Variants in ABCG1 observed in about 807,000 individuals in gnomAD.
ABCG1 encodes the protein ATP-binding cassette sub-family G member 1.
In ABCG1, 29 loss-of-function variants were observed where a neutral mutation model predicts 69.2. That is an observed-to-expected ratio of 0.42 (90% confidence interval 0.31 to 0.57). ABCG1 has a LOEUF of 0.57. ABCG1 is among the 20% of genes least tolerant of loss of function. The pLI, the probability that ABCG1 is intolerant of heterozygous loss-of-function variation, is 0.15. For missense variants in ABCG1, 718 were observed against 898.1 expected, an observed-to-expected ratio of 0.80 and a Z score of 2.56; for synonymous variants, 370 against 374.8, an observed-to-expected ratio of 0.99 and a Z score of 0.15.
intron 2 of ABCG1, among the ~76,000 whole-genome samples, chr21:42,207,680 T>C (rs1277327910): frequency 6.6e-6 from 1 of 152,254 alleles, no homozygotes; most frequent in Non-Finnish European, 1.5e-5. Context: ...AAGTCCAGGT[T>C]CCCTGCTCAG....
Position 42,257,563 on chromosome 21 carries a change from G to A in ABCG1, c.287-13507G>A, listed in dbSNP as rs535340205. Among the ~76,000 whole-genome samples the A allele has an allele frequency of 8.1e-4, 124 of 152,252 alleles. 2 individuals are homozygous for A. In the South Asian group the frequency reaches 0.024, roughly 29 times the overall value. On this transcript the variant is annotated intron_variant, in intron 2 of 14. Coordinates refer to ENST00000398449, the MANE Select transcript of ABCG1 (RefSeq NM_016818.3). ...CTGAGACAGCTGTGTAGGGCGTGGC[G>A]GTGACCCTGGGGAAGGACCGTACTG...
At chr21:42,262,026 C>A (rs117434656) in intron 2 of ABCG1, among the ~76,000 whole-genome samples, 2,288 of 152,298 alleles carry the variant, frequency 0.015, 31 homozygotes, top group Middle Eastern at 0.034. Context: ...AACTGCAACT[C>A]GTTCAATGAA....
At chr21:42,248,076 T>C (rs1250430305) in intron 2 of ABCG1, among the ~76,000 whole-genome samples, 2 of 152,174 alleles carry the variant, frequency 1.3e-5, no homozygotes, top group African/African-American at 4.8e-5. Flanking sequence ...AAGATGGTCA[T>C]GAGAGAGCAA....
At chr21:42,268,388 T>TGCGC (rs377669349) in intron 2 of ABCG1, among the ~76,000 whole-genome samples, 41 of 110,180 alleles carry the variant, frequency 3.7e-4, no homozygotes, top group African/African-American at 9.0e-4. Context: ...TGTGTGTGTG[T>TGCGC]GCGCGCGCGC....
At chr21:42,279,229 G>A (rs1270365499) in intron 5 of ABCG1, among the ~76,000 whole-genome samples, 5 of 152,082 alleles carry the variant, frequency 3.3e-5, no homozygotes, top group Non-Finnish European at 5.9e-5. Context: ...ACTGATGCTC[G>A]GCGTGGAGGA....
At chr21:42,280,413 A>G (rs986825061) in intron 5 of ABCG1, among the ~76,000 whole-genome samples, 4 of 152,188 alleles carry the variant, frequency 2.6e-5, no homozygotes, top group Non-Finnish European at 5.9e-5. Context: ...CCACTTCCTC[A>G]GGAGTGAGGT....
chr21:42,252,434 G>A (rs1348490862), intron 2 of ABCG1, among the ~76,000 whole-genome samples: 1 of 152,156 alleles, frequency 6.6e-6, no homozygotes, highest in East Asian at 1.9e-4. Context: ...CGGGCCAAGT[G>A]CGAGCCAGTG....
intron 2 of ABCG1, among the ~76,000 whole-genome samples, chr21:42,230,823 T>C (rs1027996718): frequency 1.2e-4 from 18 of 152,214 alleles, no homozygotes; most frequent in African/African-American, 4.3e-4. Flanking sequence ...ATGGGGCCGA[T>C]TCAGGAAGGA....
intron 2 of ABCG1, chr21:42,259,206 G>T: frequency 6.3e-6 from 9 of 1,423,550 alleles, no homozygotes; most frequent in Non-Finnish European, 7.4e-6. Context: ...CCCAGATGTC[G>T]CTGGTGCTGG....
intron 2 of ABCG1, among the ~76,000 whole-genome samples, chr21:42,248,626 GC>G (rs1248412829): frequency 1.3e-5 from 2 of 152,094 alleles, no homozygotes; most frequent in Non-Finnish European, 2.9e-5. Context: ...GGTGGCTCAC[GC>G]CTGTAATCTC....
In ABCG1 at chr21:42,296,507, C is replaced by G; in HGVS notation, c.*115C>G. On this transcript the variant is annotated 3_prime_UTR_variant, in exon 15 of 15. Transcript: ENST00000398449. This position sits in a 1 kb window ranked among gnomAD's most constrained non-coding sequence, Gnocchi z 5.4. ...ACACAGAGACTCTTCTGATCCAACC[C>G]CTAGAACCGCGTTGGGTTTGTGGGT... The G allele has an allele frequency of 2.1e-6, 2 of 935,498 alleles. No individual in the cohort carries two copies. The highest frequency in any genetic ancestry group is 1.5e-5 in the South Asian group (1 of 65,482). 57.9% of individuals were successfully genotyped at this position (935,498 alleles called of 1,614,324 possible).
At chr21:42,250,004 CAAA>C (rs1242043497) in intron 2 of ABCG1, among the ~76,000 whole-genome samples, 3 of 84,290 alleles carry the variant, frequency 3.6e-5, no homozygotes, top group Non-Finnish European at 2.4e-5. Context: ...GATTCCATCT[CAAA>C]AAAAAAAAAA....
rs1056497639 is a variant in ABCG1 at position 42,287,204 on chromosome 21, G to A, written c.974-685G>A. ...AAGCAGATGTAGGCAGAGGGAAGGAGGCCAGTCACCACGGGAGTGTGGAAG... is the reference window on the plus strand; with the variant it reads ...AAGCAGATGTAGGCAGAGGGAAGGAAGCCAGTCACCACGGGAGTGTGGAAG... On this transcript the variant is annotated intron_variant, in intron 8 of 14. Coordinates refer to ENST00000398449, the MANE Select transcript of ABCG1 (RefSeq NM_016818.3). The surrounding 1 kb of genome is among the most constrained non-coding windows in gnomAD (Gnocchi z 6.2). Among the ~76,000 whole-genome samples the A allele has an allele frequency of 1.3e-5, 2 of 152,174 alleles. No individual in the cohort carries two copies. Among genetic ancestry groups the A allele is most frequent in the African/African-American group, 4.8e-5 (2 of 41,428 alleles).
intron 2 of ABCG1, among the ~76,000 whole-genome samples, chr21:42,205,371 G>C (rs541663400): frequency 6.6e-4 from 100 of 152,154 alleles, no homozygotes; most frequent in Non-Finnish European, 1.1e-3. Flanking sequence ...GGCTGAGAAG[G>C]GCAGATCACC....
chr21:42,259,527 G>C lies in ABCG1; in HGVS notation c.287-11543G>C, dbSNP rs577560081. 38 of 1,536,166 alleles carry C rather than the reference G, an allele frequency of 2.5e-5. No homozygotes were observed. In the African/African-American group the frequency reaches 3.7e-4, roughly 15 times the overall value. On this transcript the variant is annotated intron_variant, in intron 2 of 14. Transcript: ENST00000398449. ...CAAGGTGCATTGACTGAGGCTGGCTGGCTGGAGTCATCATGTGGGCCCTCA... is the reference window on the plus strand; with the variant it reads ...CAAGGTGCATTGACTGAGGCTGGCTCGCTGGAGTCATCATGTGGGCCCTCA...
intron 6 of ABCG1, among the ~76,000 whole-genome samples, chr21:42,283,712 TA>T (rs368049227): frequency 0.14 from 10,482 of 75,998 alleles, 1,667 homozygotes; most frequent in South Asian, 0.16. Context: ...AGTTGTGAAG[TA>T]CCACCCACCA....
chr21:42,209,952 C>T (rs1384086875), intron 2 of ABCG1, among the ~76,000 whole-genome samples: 1 of 152,204 alleles, frequency 6.6e-6, no homozygotes, highest in Admixed American at 6.5e-5. Flanking sequence ...GTTGCCCAGC[C>T]ACTTGGGAAG....
intron 13 of ABCG1, among the ~76,000 whole-genome samples, chr21:42,293,558 C>G (rs1263087009): frequency 6.9e-6 from 1 of 144,702 alleles, no homozygotes; most frequent in East Asian, 2.1e-4. Context: ...ACATACCACA[C>G]TACACACTAC....
Position 42,225,758 on chromosome 21 carries a change from A to G in ABCG1, c.130A>G (p.Thr44Ala). 1.9e-6 allele frequency: 3 copies of G among 1,614,052 alleles called. No individual in the cohort carries two copies. The highest frequency in any genetic ancestry group is 1.3e-5 in the African/African-American group (1 of 74,994). Reference protein sequence around the residue: ...DEVVSSNMEATETDLLNGHLK... With the variant: ...DEVVSSNMEAAETDLLNGHLK... The stretch of plus-strand genomic sequence containing the variant: ...GGTGGTGTCCAGCAACATGGAGGCC[A>G]CTGAGACGGACCTGCTGAATGGACA... Residue 44 changes from threonine (T) to alanine (A), a missense_variant, in exon 2 of 15, where the codon ACT becomes GCT. This residue lies in a region of ABCG1 where 514 missense variants were observed against 574.3 expected (regional missense o/e 0.90). Coordinates refer to ENST00000398449, the MANE Select transcript of ABCG1 (RefSeq NM_016818.3).
Sources: gnomAD v4.1 joint callset for allele counts (sites outside exome capture counted in the v4.1 genomes callset) on GRCh38, gnomAD v4.1.1 for gene constraint, gnomAD v4.1.1 regional missense constraint, Gnocchi (gnomAD v3.1) non-coding constraint, MANE v1.5 for transcripts, NCBI Gene and HGNC (gene_info 2026-07-23, HGNC 2026-07-21) for gene names.